PARD3B: variants seen among roughly 807,000 people sequenced by gnomAD.
PARD3B encodes partitioning defective 3 homolog B.
In PARD3B, 103 loss-of-function variants were observed where a neutral mutation model predicts 130.2. That is an observed-to-expected ratio of 0.79 (90% CI 0.67 to 0.93). PARD3B has a LOEUF of 0.93. Among genes scored for constraint, PARD3B ranks in the 40% least tolerant of loss-of-function variants. The pLI is 0.00. For synonymous variants in PARD3B, 583 were observed against 553.2 expected (o/e 1.05, Z -0.76); for missense variants, 1,609 against 1,499.2 (o/e 1.07, Z -1.21).
At chr2:204,693,242 C>G (rs1051585137) in intron 2 of PARD3B, among the ~76,000 whole-genome samples, 2 of 152,038 alleles carry the variant, frequency 1.3e-5, no homozygotes, top group African/African-American at 4.8e-5. Flanking sequence ...ATTTCCACAG[C>G]TACCAAATTT....
At position 204,632,847 on chromosome 2, in the gene PARD3B, A is replaced by G. The variant is rs115846545; in HGVS notation, c.121-53334A>G. The stretch of plus-strand genomic sequence containing the variant: ...CGTGGGTCAAGGTGTTTCTCTAATC[A>G]GTGTCAATGCAAGTTCCTGGATATT... On this transcript the variant is annotated intron_variant, in intron 1 of 22. Coordinates refer to ENST00000406610, the MANE Select transcript of PARD3B (RefSeq NM_001302769.2). 4.2e-3 allele frequency among the ~76,000 whole-genome samples: 643 copies of G among 152,172 alleles called. 4 individuals carry two copies. The highest frequency in any genetic ancestry group is 0.015 in the African/African-American group (619 of 41,538).
intron 1 of PARD3B, among the ~76,000 whole-genome samples, chr2:204,600,501 A>G (rs1440305780): frequency 6.6e-6 from 1 of 151,786 alleles, no homozygotes; most frequent in Admixed American, 6.6e-5. Context: ...TGGTTTCACT[A>G]TTCCGTTCCA....
At chr2:205,175,823 CT>C in intron 12 of PARD3B, among the ~76,000 whole-genome samples, 1 of 152,254 alleles carries the variant, frequency 6.6e-6, no homozygotes, top group South Asian at 2.1e-4. Flanking sequence ...GGGTGTTACT[CT>C]GGATACAGCA....
intron 15 of PARD3B, among the ~76,000 whole-genome samples, chr2:205,199,736 G>T (rs908052225): frequency 6.6e-6 from 1 of 152,080 alleles, no homozygotes; most frequent in Non-Finnish European, 1.5e-5. Flanking sequence ...AGGAGAGAAT[G>T]ATGGTCAAAC....
intron 10 of PARD3B, among the ~76,000 whole-genome samples, chr2:205,157,635 A>G (rs969436039): frequency 6.6e-6 from 1 of 152,174 alleles, no homozygotes; most frequent in Non-Finnish European, 1.5e-5. Flanking sequence ...TAATTTTTTA[A>G]ATATGTAATT....
intron 1 of PARD3B, among the ~76,000 whole-genome samples, chr2:204,582,176 G>A (rs1325649382): frequency 2.6e-5 from 4 of 152,066 alleles, no homozygotes; most frequent in South Asian, 2.1e-4. Flanking sequence ...TTGCTTAAAC[G>A]TACAGCCCAC....
Position 204,623,389 on chromosome 2 carries a change from C to A in PARD3B, c.121-62792C>A, listed in dbSNP as rs891707026. On this transcript the variant is annotated intron_variant, in intron 1 of 22. Transcript: ENST00000406610. This position sits in a 1 kb window ranked among gnomAD's most constrained non-coding sequence, Gnocchi z 4.5. ...AAGGAACTATTCTACCATATTCTACCATCACAAAAACCTCCCTCGTGCCAC... is the reference window on the plus strand; with the variant it reads ...AAGGAACTATTCTACCATATTCTACAATCACAAAAACCTCCCTCGTGCCAC... 6.6e-6 allele frequency among the ~76,000 whole-genome samples: 1 copy of A among 152,000 alleles called. No individual in the cohort carries two copies. Among genetic ancestry groups the A allele is most frequent in the African/African-American group, 2.4e-5 (1 of 41,416 alleles).
chr2:204,746,076 A>G, intron 2 of PARD3B, among the ~76,000 whole-genome samples: 2 of 147,336 alleles, frequency 1.4e-5, no homozygotes, highest in East Asian at 2.1e-4. Flanking sequence ...GGTGTGCTGC[A>G]CCCATTAACT....
chr2:205,494,180 G>A (rs1168399621), intron 20 of PARD3B, among the ~76,000 whole-genome samples: 3 of 152,158 alleles, frequency 2.0e-5, no homozygotes, highest in Non-Finnish European at 4.4e-5. Flanking sequence ...TACATCTTGA[G>A]GCTGTATGAA....
intron 2 of PARD3B, among the ~76,000 whole-genome samples, chr2:204,692,347 T>C (rs2037393332): frequency 6.6e-6 from 1 of 152,062 alleles, no homozygotes; most frequent in African/African-American, 2.4e-5. Context: ...AAATTTATTT[T>C]TAAATTTAGA....
At chr2:204,611,173 T>G (rs1363396778) in intron 1 of PARD3B, among the ~76,000 whole-genome samples, 4 of 152,122 alleles carry the variant, frequency 2.6e-5, no homozygotes, top group South Asian at 4.1e-4. Context: ...TCCTAATGTA[T>G]CAGAGATGAA....
At chr2:205,596,209 C>G (rs2054565061) in intron 22 of PARD3B, among the ~76,000 whole-genome samples, 1 of 152,070 alleles carries the variant, frequency 6.6e-6, no homozygotes, top group Admixed American at 6.6e-5. Flanking sequence ...AAGAAGAGAC[C>G]AAGGCAGGAT....
At chr2:204,641,849 C>A (rs1323890163) in intron 1 of PARD3B, among the ~76,000 whole-genome samples, 1 of 152,068 alleles carries the variant, frequency 6.6e-6, no homozygotes, top group African/African-American at 2.4e-5. Flanking sequence ...TACTTCAAAA[C>A]AAAACTGATG....
At chr2:205,113,274 A>G (rs1427993909) in intron 5 of PARD3B, among the ~76,000 whole-genome samples, 1 of 152,188 alleles carries the variant, frequency 6.6e-6, no homozygotes, top group Admixed American at 6.6e-5. Context: ...TTCTAGGAGT[A>G]AAAGTAAGAA....
At chr2:205,217,635 T>G (rs1046414026) in intron 15 of PARD3B, among the ~76,000 whole-genome samples, 2 of 151,768 alleles carry the variant, frequency 1.3e-5, no homozygotes, top group East Asian at 3.9e-4. Flanking sequence ...GAGAAAAATA[T>G]AACAACAAAT....
chr2:204,867,984 C>G (rs1028542264), intron 2 of PARD3B, among the ~76,000 whole-genome samples: 29 of 152,124 alleles, frequency 1.9e-4, no homozygotes, highest in Non-Finnish European at 4.3e-4. Context: ...TGGACTAGAT[C>G]TCAGAGATTG....
At chr2:205,567,117 G>A (rs1370474459) in intron 22 of PARD3B, among the ~76,000 whole-genome samples, 5 of 151,940 alleles carry the variant, frequency 3.3e-5, no homozygotes, top group Admixed American at 2.0e-4. Flanking sequence ...GGGTAAAGAG[G>A]AACAAGTATC....
At chr2:205,106,445 G>C (rs538462631) in intron 5 of PARD3B, among the ~76,000 whole-genome samples, 1 of 151,812 alleles carries the variant, frequency 6.6e-6, no homozygotes, top group Admixed American at 6.6e-5. Flanking sequence ...TACCACGCCC[G>C]GCCAAAAACA....
chr2:205,372,890 GATCACTTGA>G (rs1433473569), intron 18 of PARD3B, among the ~76,000 whole-genome samples: 2 of 152,210 alleles, frequency 1.3e-5, no homozygotes, highest in South Asian at 4.2e-4. Flanking sequence ...GAGGTGGGAG[GATCACTTGA>G]ATCTAGGAGG....
Sources: gnomAD v4.1 joint callset for allele counts (sites outside exome capture counted in the v4.1 genomes callset) on GRCh38, gnomAD v4.1.1 for gene constraint, Gnocchi (gnomAD v3.1) non-coding constraint, MANE v1.5 for transcripts, NCBI Gene and HGNC (gene_info 2026-07-23, HGNC 2026-07-21) for gene names.